RSU1: variants seen among roughly 807,000 people sequenced by gnomAD.
RSU1 encodes rsu-1.
A neutral mutation model predicts 31.1 loss-of-function variants in RSU1; 26 were observed. The ratio of observed to expected loss-of-function variants is 0.84; its 90% CI spans 0.61 to 1.16. RSU1 has a LOEUF of 1.16. RSU1 is among the 50% of genes most tolerant of loss of function. RSU1 has a pLI of 0.00. For synonymous variants in RSU1, 164 were observed against 136.3 expected, an observed-to-expected ratio of 1.20 and a Z score of -1.41; for missense variants, 320 against 339.1, an observed-to-expected ratio of 0.94 and a Z score of 0.44.
intron 2 of RSU1, among the ~76,000 whole-genome samples, chr10:16,785,511 CATAT>C (rs149370279): frequency 7.5e-6 from 1 of 133,748 alleles, no homozygotes; most frequent in African/African-American, 3.1e-5. Context: ...CACATATATA[CATAT>C]ATATATATAT....
chr10:16,789,640 T>C (rs10904816), intron 2 of RSU1, among the ~76,000 whole-genome samples: 49,013 of 152,044 alleles, frequency 0.32, 9,582 homozygotes, highest in African/African-American at 0.56. Flanking sequence ...GCTGCCCCCG[T>C]TGAACGTGTC....
chr10:16,658,171 T>C (rs11599543), intron 8 of RSU1, among the ~76,000 whole-genome samples: 31,096 of 152,098 alleles, frequency 0.2, 3,892 homozygotes, highest in South Asian at 0.37. Context: ...ATATTTTGTG[T>C]TTTAATTTTT....
chr10:16,688,384 G>A (rs1319283107), intron 8 of RSU1, among the ~76,000 whole-genome samples: 1 of 151,994 alleles, frequency 6.6e-6, no homozygotes, highest in Non-Finnish European at 1.5e-5. Flanking sequence ...AGGCGGACGG[G>A]TCACGAGGTC....
intron 7 of RSU1, among the ~76,000 whole-genome samples, chr10:16,706,384 C>A (rs550444249): frequency 6.6e-6 from 1 of 152,180 alleles, no homozygotes; most frequent in South Asian, 2.1e-4. Context: ...TGCTTATTGG[C>A]CATTTATGTA....
chr10:16,756,827 C>CTG (rs935360339), intron 4 of RSU1, among the ~76,000 whole-genome samples: 1 of 137,432 alleles, frequency 7.3e-6, no homozygotes, highest in East Asian at 2.2e-4. Context: ...GGGGTGTGTG[C>CTG]TGTGTGTGTG....
At chr10:16,724,113 T>C (rs1476702760) in intron 7 of RSU1, among the ~76,000 whole-genome samples, 1 of 152,030 alleles carries the variant, frequency 6.6e-6, no homozygotes, top group Non-Finnish European at 1.5e-5. Context: ...GCTAATTTTT[T>C]TGTATTTTTA....
At chr10:16,717,874 G>A (rs772359978) in intron 7 of RSU1, among the ~76,000 whole-genome samples, 29 of 151,692 alleles carry the variant, frequency 1.9e-4, no homozygotes, top group Non-Finnish European at 3.2e-4. Flanking sequence ...GAGTGAAAGT[G>A]GAGATCTACC....
At chr10:16,612,807 T>C (rs181439592) in intron 8 of RSU1, among the ~76,000 whole-genome samples, 2 of 152,338 alleles carry the variant, frequency 1.3e-5, no homozygotes, top group Admixed American at 1.3e-4. Context: ...ATGGAGCAAT[T>C]TGCAAACACA....
At chr10:16,692,537 T>A (rs1156883340) in intron 8 of RSU1, among the ~76,000 whole-genome samples, 1 of 152,158 alleles carries the variant, frequency 6.6e-6, no homozygotes, top group South Asian at 2.1e-4. Flanking sequence ...ATGACTTTTT[T>A]CAAGATACCA....
chr10:16,654,255 G>A (rs942676801), intron 8 of RSU1, among the ~76,000 whole-genome samples: 20 of 150,064 alleles, frequency 1.3e-4, no homozygotes, highest in African/African-American at 4.2e-4. Context: ...AGCTCACCTC[G>A]GCCTCCCAAA....
intron 8 of RSU1, among the ~76,000 whole-genome samples, chr10:16,677,908 A>T (rs1248832586): frequency 2.0e-5 from 3 of 152,148 alleles, no homozygotes; most frequent in Non-Finnish European, 4.4e-5. Flanking sequence ...ACAAGAACAG[A>T]TTAAACATGC....
intron 8 of RSU1, among the ~76,000 whole-genome samples, chr10:16,635,479 A>G (rs1192051866): frequency 1.3e-5 from 2 of 152,228 alleles, no homozygotes; most frequent in Non-Finnish European, 2.9e-5. Context: ...CCACACCCTT[A>G]GCAGCCTACC....
chr10:16,619,420 G>A (rs1301666064), intron 8 of RSU1, among the ~76,000 whole-genome samples: 1 of 152,198 alleles, frequency 6.6e-6, no homozygotes, highest in Admixed American at 6.5e-5. Context: ...GTGATTCACA[G>A]TGAACCAATC....
At position 16,784,689 on chromosome 10, in the gene RSU1, T is replaced by A. The variant is rs181083615; in HGVS notation, c.110-2605A>T. ...GCAAAGAGGAAGCAAAGGCACATCTTACATGGCAGCAAGTAAGAGAGCGTA... is the reference window on the plus strand; with the variant it reads ...GCAAAGAGGAAGCAAAGGCACATCTAACATGGCAGCAAGTAAGAGAGCGTA... On this transcript the variant is annotated intron_variant, in intron 2 of 8. Transcript: ENST00000345264. Among the ~76,000 whole-genome samples, 582 of 152,300 alleles carry A rather than the reference T, an allele frequency of 3.8e-3. 5 individuals carry two copies. Among genetic ancestry groups the A allele is most frequent in the African/African-American group, 0.014 (565 of 41,570 alleles).
intron 8 of RSU1, among the ~76,000 whole-genome samples, chr10:16,597,301 G>A (rs115480459): frequency 1.6e-3 from 251 of 152,186 alleles, no homozygotes; most frequent in African/African-American, 5.7e-3. Flanking sequence ...CTCCTTTTTC[G>A]GAGCGAACTG....
In RSU1 at chr10:16,784,322, T is replaced by G. The variant is rs957568337; in HGVS notation, c.110-2238A>C. 2.6e-5 allele frequency among the ~76,000 whole-genome samples: 4 copies of G among 152,138 alleles called. No homozygotes were observed. In the South Asian group the frequency reaches 8.3e-4, roughly 32 times the overall value. ...TCATTCTGTTGCCCAGGCTGGAGAT[T>G]TGTCATTTGTTGATTCTTGATTCAT... On this transcript the variant is annotated intron_variant, in intron 2 of 8. Coordinates refer to ENST00000345264, the MANE Select transcript of RSU1 (RefSeq NM_012425.4).
rs540118479 is a variant in RSU1, at chr10:16,769,841, C to T, written c.161-5331G>A. Among the ~76,000 whole-genome samples the T allele has an allele frequency of 2.0e-5, 3 of 152,352 alleles. No individual in the cohort carries two copies. In the South Asian group the frequency reaches 6.2e-4, roughly 32 times the overall value. On this transcript the variant is annotated intron_variant, in intron 3 of 8. Transcript: ENST00000345264. ...CTGATGACACGTGAAACAAATGATA[C>T]TCTAGGTAGCTTAACACGTTCAACG...
chr10:16,594,687 A>T (rs1833580080), intron 8 of RSU1, among the ~76,000 whole-genome samples: 1 of 139,824 alleles, frequency 7.2e-6, no homozygotes, highest in African/African-American at 3.0e-5. Context: ...TATTATCTGT[A>T]TATTATATGT....
intron 8 of RSU1, among the ~76,000 whole-genome samples, chr10:16,623,443 C>T (rs947783285): frequency 1.3e-5 from 2 of 152,162 alleles, no homozygotes; most frequent in Admixed American, 6.5e-5. Flanking sequence ...CGATGGGCAC[C>T]CAGGTTGATT....
Sources: gnomAD v4.1 joint callset for allele counts (sites outside exome capture counted in the v4.1 genomes callset) on GRCh38, gnomAD v4.1.1 for gene constraint, MANE v1.5 for transcripts, NCBI Gene and HGNC (gene_info 2026-07-23, HGNC 2026-07-21) for gene names.